Variants in AGMO observed in about 807,000 individuals in gnomAD.
AGMO encodes alkylglycerol monooxygenase, also known as glyceryl-ether monooxygenase.
AGMO carries 75 observed loss-of-function variants against 60.2 expected under a neutral mutation model. The ratio of observed to expected loss-of-function variants is 1.25; its 90% CI spans 1.03 to 1.51. AGMO has a LOEUF of 1.51. AGMO is among the 40% of genes most tolerant of loss of function. The pLI, the probability that AGMO is intolerant of heterozygous loss-of-function variation, is 0.00. For synonymous variants in AGMO, 261 were observed against 177.1 expected, an observed-to-expected ratio of 1.47 and a Z score of -3.76; for missense variants, 763 against 525.5, an observed-to-expected ratio of 1.45 and a Z score of -4.42.
intron 2 of AGMO, among the ~76,000 whole-genome samples, chr7:15,545,391 T>C (rs1784751090): frequency 6.6e-6 from 1 of 152,234 alleles, no homozygotes; most frequent in Admixed American, 6.5e-5. Context: ...TCAAATATTT[T>C]GATCCCATAA....
intron 12 of AGMO, among the ~76,000 whole-genome samples, chr7:15,265,124 C>A (rs1240664658): frequency 1.3e-5 from 2 of 152,102 alleles, no homozygotes; most frequent in Admixed American, 6.6e-5. Context: ...GAAATCATGT[C>A]TTTTCAAATA....
chr7:15,527,810 A>C (rs1784165017), intron 3 of AGMO, among the ~76,000 whole-genome samples: 1 of 152,182 alleles, frequency 6.6e-6, no homozygotes, highest in Non-Finnish European at 1.5e-5. Flanking sequence ...CTTAAGAATT[A>C]TGCTAAATGT....
chr7:15,516,502 G>A (rs1209236509), intron 3 of AGMO, among the ~76,000 whole-genome samples: 6 of 152,170 alleles, frequency 3.9e-5, no homozygotes, highest in Admixed American at 2.6e-4. Context: ...GGTTTAAAAA[G>A]ATGAAAAAGA....
At chr7:15,279,713 C>T (rs1783907082) in intron 12 of AGMO, among the ~76,000 whole-genome samples, 1 of 152,122 alleles carries the variant, frequency 6.6e-6, no homozygotes, top group South Asian at 2.1e-4. Context: ...ACACCATGAG[C>T]CATGCAGAAA....
intron 3 of AGMO, among the ~76,000 whole-genome samples, chr7:15,451,719 G>A (rs1781860838): frequency 6.6e-6 from 1 of 152,078 alleles, no homozygotes; most frequent in East Asian, 1.9e-4. Context: ...ATTTAAAGGA[G>A]TTTAATTGAG....
chr7:15,213,691 C>T (rs1157172113), intron 12 of AGMO, among the ~76,000 whole-genome samples: 1 of 151,842 alleles, frequency 6.6e-6, no homozygotes, highest in Non-Finnish European at 1.5e-5. Context: ...TCCTGATCTC[C>T]TCGATGGAGA....
chr7:15,549,407 G>A (rs1326772793), intron 2 of AGMO, among the ~76,000 whole-genome samples: 1 of 152,110 alleles, frequency 6.6e-6, no homozygotes, highest in Non-Finnish European at 1.5e-5. Context: ...TCAGTGCACT[G>A]TATTCAGGAA....
At chr7:15,413,813 A>T (rs1780680247) in intron 5 of AGMO, among the ~76,000 whole-genome samples, 1 of 152,150 alleles carries the variant, frequency 6.6e-6, no homozygotes, top group South Asian at 2.1e-4. Context: ...ATTACAAAAG[A>T]TGCAGTTTTT....
chr7:15,134,968 T>A, the AGMO span, among the ~76,000 whole-genome samples: 6 of 151,976 alleles, frequency 3.9e-5, no homozygotes, highest in Non-Finnish European at 8.8e-5. Context: ...CCATGGTAAC[T>A]CTCCTTATTT....
rs553951797 is a variant in AGMO at position 15,449,401 on chromosome 7, C to A, written c.410-18293G>T. 1.3e-5 allele frequency among the ~76,000 whole-genome samples: 2 copies of A among 151,948 alleles called. 1 individual carries two copies. Among genetic ancestry groups the A allele is most frequent in the Admixed American group, 1.3e-4 (2 of 15,246 alleles). The stretch of plus-strand genomic sequence containing the variant: ...ATATACAGCCATGTGCCACATAATG[C>A]GTCTCTGGTAAAGGACAGACCACAT... On this transcript the variant is annotated intron_variant, in intron 3 of 12. Coordinates refer to ENST00000342526, the MANE Select transcript of AGMO (RefSeq NM_001004320.2).
chr7:15,192,520 T>G, the AGMO span, among the ~76,000 whole-genome samples: 10 of 152,022 alleles, frequency 6.6e-5, no homozygotes, highest in Admixed American at 6.6e-4. Context: ...CCTCCATCAC[T>G]CAGTAAAATC....
intron 3 of AGMO, among the ~76,000 whole-genome samples, chr7:15,532,466 T>C (rs1172871545): frequency 6.6e-6 from 1 of 152,162 alleles, no homozygotes; most frequent in Non-Finnish European, 1.5e-5. Context: ...AGTTAGTTAT[T>C]GTTTTAATTA....
chr7:15,224,067 A>G (rs1185236357), intron 12 of AGMO, among the ~76,000 whole-genome samples: 1 of 152,102 alleles, frequency 6.6e-6, no homozygotes, highest in Non-Finnish European at 1.5e-5. Context: ...TAAAAAGAAT[A>G]AAGAGAGATC....
intron 1 of AGMO, among the ~76,000 whole-genome samples, chr7:15,561,335 A>T (rs1785298398): frequency 6.6e-6 from 1 of 152,212 alleles, no homozygotes; most frequent in South Asian, 2.1e-4. Flanking sequence ...AAGAGGAAAT[A>T]GTTTCCCTGG....
the AGMO span, among the ~76,000 whole-genome samples, chr7:15,171,488 G>A: frequency 6.6e-6 from 1 of 152,174 alleles, no homozygotes; most frequent in African/African-American, 2.4e-5. Flanking sequence ...GTTTGGTCTA[G>A]ATTTGGGTTG....
chr7:15,248,214 A>C (rs185353267), intron 12 of AGMO, among the ~76,000 whole-genome samples: 1 of 71,162 alleles, frequency 1.4e-5, no homozygotes, highest in South Asian at 4.0e-4. Context: ...ATATATATAT[A>C]TATATATATA....
At chr7:15,456,317 C>T (rs1781996954) in intron 3 of AGMO, among the ~76,000 whole-genome samples, 1 of 152,030 alleles carries the variant, frequency 6.6e-6, no homozygotes, top group Admixed American at 6.6e-5. Context: ...TGCATTGTCT[C>T]TGTTTCTCCT....
intron 12 of AGMO, among the ~76,000 whole-genome samples, chr7:15,273,203 A>G (rs1783669372): frequency 6.6e-6 from 1 of 152,170 alleles, no homozygotes; most frequent in Admixed American, 6.5e-5. Flanking sequence ...GTCCTTGCCC[A>G]TGCCTATGTC....
At chr7:15,404,691 A>T (rs1784638707) in intron 5 of AGMO, among the ~76,000 whole-genome samples, 1 of 151,824 alleles carries the variant, frequency 6.6e-6, no homozygotes, top group Non-Finnish European at 1.5e-5. Context: ...CCACAGTCTT[A>T]TGGTACAAGC....
Sources: allele counts gnomAD v4.1 joint callset (sites outside exome capture counted in the v4.1 genomes callset), GRCh38; gene constraint gnomAD v4.1.1; transcripts MANE v1.5; gene names NCBI Gene and HGNC (gene_info 2026-07-23, HGNC 2026-07-21).